GRM8: variants seen among roughly 807,000 people sequenced by gnomAD.
The protein encoded by GRM8 is metabotropic glutamate receptor 8.
A neutral mutation model predicts 87.2 loss-of-function variants in GRM8; 47 were observed. The observed-to-expected ratio is 0.54, with a 90% CI of 0.43 to 0.69. The LOEUF (loss-of-function observed/expected upper bound fraction) is 0.69, where lower values mean the gene tolerates loss of function less well. GRM8 is among the 30% of genes least tolerant of loss of function. The probability of loss-of-function intolerance (pLI) is 0.00; values close to 1 mark genes in which losing one functional copy is unlikely to be tolerated. For missense variants in GRM8, 1,019 were observed against 1,139.2 expected, an observed-to-expected ratio of 0.89 and a Z score of 1.52; for synonymous variants, 396 against 404.5, an observed-to-expected ratio of 0.98 and a Z score of 0.25.
intron 6 of GRM8, among the ~76,000 whole-genome samples, chr7:126,809,468 C>T (rs1486899686): frequency 6.6e-6 from 1 of 152,084 alleles, no homozygotes; most frequent in Non-Finnish European, 1.5e-5. Flanking sequence ...CAAACTCCCC[C>T]AATATCCAAA....
chr7:126,532,878 A>G (rs1336716716), intron 9 of GRM8, 74 bp downstream of exon 9: 3 of 834,230 alleles, frequency 3.6e-6, no homozygotes, highest in Non-Finnish European at 5.8e-6. Context: ...GAACCAAATA[A>G]AAGGAGGAAA....
intron 1 of GRM8, among the ~76,000 whole-genome samples, chr7:127,244,957 T>C (rs376127222): frequency 1.3e-5 from 2 of 152,178 alleles, no homozygotes; most frequent in African/African-American, 2.4e-5. Context: ...CGGGCACACA[T>C]TAAGCCTTAG....
chr7:127,121,449 G>C (rs1212119866), intron 2 of GRM8, among the ~76,000 whole-genome samples: 1 of 152,142 alleles, frequency 6.6e-6, no homozygotes. Flanking sequence ...GCCATAGAAG[G>C]AATGGAATCC....
At chr7:127,090,164 C>T (rs1312138008) in intron 3 of GRM8, among the ~76,000 whole-genome samples, 1 of 152,208 alleles carries the variant, frequency 6.6e-6, no homozygotes, top group Non-Finnish European at 1.5e-5. Context: ...TCTAACTAAT[C>T]TTCTGCTTCC....
intron 3 of GRM8, among the ~76,000 whole-genome samples, chr7:126,906,387 T>C (rs13307448): frequency 1.3e-5 from 2 of 152,172 alleles, no homozygotes; most frequent in Non-Finnish European, 2.9e-5. Context: ...CAGATCATAG[T>C]TCACTGTAGC....
At chr7:126,575,740 C>T (rs1009034160) in intron 8 of GRM8, among the ~76,000 whole-genome samples, 8 of 152,134 alleles carry the variant, frequency 5.3e-5, no homozygotes, top group Non-Finnish European at 1.0e-4. Context: ...GTGATACTCT[C>T]GCATTTGTGA....
intron 6 of GRM8, among the ~76,000 whole-genome samples, chr7:126,836,854 C>T (rs1028783653): frequency 1.3e-5 from 2 of 152,186 alleles, no homozygotes; most frequent in Non-Finnish European, 2.9e-5. Context: ...TACATGGTAA[C>T]TAGCACGTAG....
At chr7:126,502,669 T>C (rs1005498959) in intron 9 of GRM8, among the ~76,000 whole-genome samples, 1 of 152,056 alleles carries the variant, frequency 6.6e-6, no homozygotes, top group Non-Finnish European at 1.5e-5. Context: ...CCTTATGATT[T>C]ATTCTTGGTA....
chr7:127,124,428 C>A (rs1157375526), intron 2 of GRM8, among the ~76,000 whole-genome samples: 1 of 152,160 alleles, frequency 6.6e-6, no homozygotes, highest in Non-Finnish European at 1.5e-5. Context: ...TCTCCTACCC[C>A]TCTAGATATT....
chr7:127,241,258 A>C (rs544007403), intron 2 of GRM8, among the ~76,000 whole-genome samples: 19 of 152,318 alleles, frequency 1.2e-4, no homozygotes, highest in Middle Eastern at 3.4e-3. Context: ...AGTGGGCCAG[A>C]CTAGATGTGC....
intron 6 of GRM8, among the ~76,000 whole-genome samples, chr7:126,797,286 T>C (rs1027869468): frequency 6.6e-6 from 1 of 152,144 alleles, no homozygotes; most frequent in African/African-American, 2.4e-5. Context: ...ACTTCATCTG[T>C]GTTGTGAATA....
intron 3 of GRM8, among the ~76,000 whole-genome samples, chr7:127,004,084 C>A (rs75257894): frequency 1.3e-5 from 2 of 151,432 alleles, no homozygotes; most frequent in South Asian, 2.1e-4. Flanking sequence ...TCAAACTAGG[C>A]GAATCCAATC....
chr7:127,243,266 G>A lies in GRM8; in HGVS notation c.-62C>T, dbSNP rs1798411847. 6 of 1,473,030 alleles carry A rather than the reference G, an allele frequency of 4.1e-6. No homozygotes were observed. Among genetic ancestry groups the A allele is most frequent in the African/African-American group, 2.8e-5 (2 of 72,122 alleles). The allele number at this position is 1,473,030 out of a possible 1,614,324, so 91.2% of individuals were successfully genotyped here. On this transcript the variant is annotated 5_prime_UTR_variant, in exon 2 of 11. Transcript: ENST00000339582. ...GTTTATTCTTGCCACAGAAGAAAGG[G>A]CACCACCTGAGGCTGCACCTTCTGG...
intron 8 of GRM8, among the ~76,000 whole-genome samples, chr7:126,577,251 T>C (rs1444481970): frequency 2.0e-5 from 3 of 152,208 alleles, no homozygotes; most frequent in African/African-American, 4.8e-5. Context: ...TTTCTTAACA[T>C]AGCTGACATC....
At chr7:126,481,042 T>A (rs1220626215) in intron 9 of GRM8, among the ~76,000 whole-genome samples, 1 of 151,978 alleles carries the variant, frequency 6.6e-6, no homozygotes, top group Non-Finnish European at 1.5e-5. Flanking sequence ...CTCTCAAAGG[T>A]CAAAGCTAAA....
In GRM8 at chr7:126,609,483, G is replaced by T; in HGVS notation, c.1373C>A (p.Pro458His). ...AVNFNGSAGT[P>H]VTFNENGDAP... is the part of the protein sequence containing the mutation. ...ATCTCCGTTTTCATTAAAAGTGACA[G>T]GAGTGCCAGCACTGCCTATAAAGAT... Residue 458 changes from proline to histidine, a missense_variant, in exon 8 of 11, where the codon CCT (proline) becomes CAT (histidine). Physicochemically the swap from Pro to His is moderately conservative, Grantham distance 77. Transcript: ENST00000339582. 6.2e-7 allele frequency: 1 copy of T among 1,612,160 alleles called. No individual in the cohort carries two copies. Among genetic ancestry groups the T allele is most frequent in the Non-Finnish European group, 8.5e-7 (1 of 1,178,380 alleles).
In GRM8 at chr7:127,212,875, C is replaced by T. The variant is rs559345332; in HGVS notation, c.510+29820G>A. Among the ~76,000 whole-genome samples, 54 of 152,302 alleles carry T rather than the reference C, an allele frequency of 3.5e-4. 1 individual carries two copies. Among genetic ancestry groups the T allele is most frequent in the Admixed American group, 2.0e-3 (31 of 15,300 alleles). On this transcript the variant is annotated intron_variant, in intron 2 of 10. Coordinates refer to ENST00000339582, the MANE Select transcript of GRM8 (RefSeq NM_000845.3). ...ACAGTGATCTTTGACGTAAATGTCA[C>T]ACATGTTCACTTTAGGCTTCTGGTC...
intron 2 of GRM8, among the ~76,000 whole-genome samples, chr7:127,241,398 A>G (rs1798285146): frequency 6.7e-6 from 1 of 150,252 alleles, no homozygotes; most frequent in Non-Finnish European, 1.5e-5. Flanking sequence ...TATTCTTTTA[A>G]TATTTCTAAA....
At chr7:126,971,038 T>A (rs1810363148) in intron 3 of GRM8, among the ~76,000 whole-genome samples, 1 of 151,652 alleles carries the variant, frequency 6.6e-6, no homozygotes, top group Non-Finnish European at 1.5e-5. Context: ...GTAAAAATAA[T>A]TTGAAATATC....
Sources: allele counts gnomAD v4.1 joint callset (sites outside exome capture counted in the v4.1 genomes callset), GRCh38; gene constraint gnomAD v4.1.1; transcripts MANE v1.5; gene names NCBI Gene and HGNC (gene_info 2026-07-23, HGNC 2026-07-21).